The following ZNF831 variants were observed in gnomAD, a reference collection of about 807,000 sequenced individuals.
ZNF831 encodes zinc finger protein 831, also known as chromosome 20 open reading frame 174.
A neutral mutation model predicts 95.8 loss-of-function variants in ZNF831; 59 were observed. That is an observed-to-expected ratio of 0.62 (90% CI 0.50 to 0.77). The LOEUF (loss-of-function observed/expected upper bound fraction) is 0.77. ZNF831 is among the 30% of genes least tolerant of loss of function. The pLI, the probability that ZNF831 is intolerant of heterozygous loss-of-function variation, is 0.00. For missense variants in ZNF831, 2,205 were observed against 2,164.0 expected, an observed-to-expected ratio of 1.02 and a Z score of -0.38; for synonymous variants, 961 against 925.5, an observed-to-expected ratio of 1.04 and a Z score of -0.70.
intron 4 of ZNF831, among the ~76,000 whole-genome samples, chr20:59,214,366 T>G (rs1245188181): frequency 1.3e-5 from 2 of 152,072 alleles, no homozygotes; most frequent in African/African-American, 4.8e-5. Flanking sequence ...ACAGTCAGGG[T>G]GTAGGTTAAA....
rs1248380657 is a variant in ZNF831, at chr20:59,254,354, T to A, written c.4645T>A (p.Ser1549Thr). 1 of 1,613,942 alleles carries A rather than the reference T, an allele frequency of 6.2e-7. No homozygotes were observed. Among genetic ancestry groups the A allele is most frequent in the Non-Finnish European group, 8.5e-7 (1 of 1,180,016 alleles). Residue 1549 changes from serine (S) to threonine (T), a missense_variant, in exon 6 of 6, where the codon TCT becomes ACT. Transcript: ENST00000371030. This position sits in a 1 kb window ranked among gnomAD's most constrained non-coding sequence, Gnocchi z 4.5. ...AQTLLPGRPSSGQRISDSVPL... is the reference protein window; with the variant it reads ...AQTLLPGRPSTGQRISDSVPL... ...GACCCTCTTGCCAGGGAGACCTTCA[T>A]CTGGACAAAGAATTTCAGATTCGGT... is the stretch of plus-strand genomic sequence containing the variant.
chr20:59,160,051 G>C (rs910899305), upstream of ZNF831: 9 of 152,356 alleles, frequency 5.9e-5, no homozygotes, highest in Non-Finnish European at 1.0e-4. Flanking sequence ...AGGCAGAGAC[G>C]AACATTCCTA....
chr20:59,138,659 C>A (rs1270535897), intron 1 of ZNF831, among the ~76,000 whole-genome samples: 2 of 152,224 alleles, frequency 1.3e-5, no homozygotes, highest in Non-Finnish European at 2.9e-5. Context: ...CATTTCTGGG[C>A]AAAAGCTTTT....
In ZNF831 at chr20:59,193,266, C is replaced by A. The variant is rs767005659; in HGVS notation, c.2247C>A (p.Val749=). The A allele has an allele frequency of 6.2e-7, 1 of 1,608,630 alleles. No homozygotes were observed. The highest frequency in any genetic ancestry group is 1.7e-5 in the Admixed American group (1 of 59,350). Reference sequence around the variant, plus strand: ...GTTCAGGCAGTAGGAGCCCCCTGGTCTCTCCAAATGGGAGGCTGGAACTGG... The same window carrying A: ...GTTCAGGCAGTAGGAGCCCCCTGGTATCTCCAAATGGGAGGCTGGAACTGG... ...SPCSGSRSPL[V]SPNGRLELGW... Residue 749 remains valine, a synonymous_variant, in exon 2 of 6, where the codon GTC becomes GTA. Transcript: ENST00000371030.
rs1024063915 is a variant in ZNF831 at position 59,255,033 on chromosome 20, C to T, written c.*290C>T. The T allele has an allele frequency of 3.4e-6, 1 of 295,806 alleles. No individual in the cohort carries two copies. Among genetic ancestry groups the T allele is most frequent in the Non-Finnish European group, 6.3e-6 (1 of 157,754 alleles). The allele number at this position is 295,806 out of a possible 1,614,324, so 18.3% of individuals were successfully genotyped here. A position where few individuals can be genotyped will look rare whatever the true frequency, so the allele number is the denominator to read the frequency against. ...TGGTCAACGTGCACAGTGACTGGGCCTTGACTCCCAGCCTCGTCTTCTGCA... is the reference window on the plus strand; with the variant it reads ...TGGTCAACGTGCACAGTGACTGGGCTTTGACTCCCAGCCTCGTCTTCTGCA... On this transcript the variant is annotated 3_prime_UTR_variant, in exon 6 of 6. Coordinates refer to ENST00000371030, the MANE Select transcript of ZNF831 (RefSeq NM_178457.3).
chr20:59,207,442 C>T (rs951582025), intron 4 of ZNF831, among the ~76,000 whole-genome samples: 2 of 152,124 alleles, frequency 1.3e-5, no homozygotes, highest in African/African-American at 4.8e-5. Context: ...CATTGTAAAG[C>T]TAAAGTGGGT....
rs556575766 is a variant in ZNF831, at chr20:59,168,593, G to A, written c.-37+4386G>A. Among the ~76,000 whole-genome samples, 6 of 147,862 alleles carry A rather than the reference G, an allele frequency of 4.1e-5. No individual in the cohort carries two copies. In the South Asian group the frequency reaches 1.3e-3, roughly 32 times the overall value. ...TCCCTGTATTTTGTATTTCTTTCTT[G>A]CTTTATTTTACTGGCTAAAACTTTC... On this transcript the variant is annotated intron_variant, in intron 1 of 5. Coordinates refer to ENST00000371030, the MANE Select transcript of ZNF831 (RefSeq NM_178457.3).
intron 1 of ZNF831, among the ~76,000 whole-genome samples, chr20:59,142,834 C>G (rs117880688): frequency 1.7e-3 from 258 of 152,294 alleles, no homozygotes; most frequent in Non-Finnish European, 2.6e-3. Context: ...TTTCATTATT[C>G]TTTGATTTTT....
At chr20:59,248,854 G>A (rs149623003) in intron 4 of ZNF831, among the ~76,000 whole-genome samples, 2 of 152,196 alleles carry the variant, frequency 1.3e-5, no homozygotes, top group East Asian at 3.9e-4. Flanking sequence ...CCCTAGTCAA[G>A]CCATCTCATC....
chr20:59,137,826 C>CA (rs1757042173), intron 1 of ZNF831, among the ~76,000 whole-genome samples: 1 of 152,214 alleles, frequency 6.6e-6, no homozygotes, highest in Non-Finnish European at 1.5e-5. Context: ...CCCTGTGTCA[C>CA]ATCCTAAGCC....
Position 59,254,472 on chromosome 20 carries a change from C to T in ZNF831, c.4763C>T (p.Thr1588Met), listed in dbSNP as rs116281545. The change falls in exon 6 of 6, where the codon ACG (threonine) becomes ATG (methionine). Residue 1588 changes from threonine to methionine, a missense_variant. By Grantham distance (81) the Thr-to-Met change is moderately conservative. Coordinates refer to ENST00000371030, the MANE Select transcript of ZNF831 (RefSeq NM_178457.3). This position sits in a 1 kb window ranked among gnomAD's most constrained non-coding sequence, Gnocchi z 4.5. ...CACCACAAGGAAGGGAGACACAAGACGTTTTTTCCTTCCAGAGGCCAGTAT... is the reference window on the plus strand; with the variant it reads ...CACCACAAGGAAGGGAGACACAAGATGTTTTTTCCTTCCAGAGGCCAGTAT... ...SSHHKEGRHKTFFPSRGQYGC... is the reference protein window; with the variant it reads ...SSHHKEGRHKMFFPSRGQYGC... The T allele has an allele frequency of 2.8e-3, 4,461 of 1,614,144 alleles. 96 individuals are homozygous for T. In the African/African-American group the frequency reaches 0.048, roughly 17 times the overall value.
rs573141022 is a variant in ZNF831, at chr20:59,218,576, T to C, written c.4027+11520T>C. On this transcript the variant is annotated intron_variant, in intron 4 of 5. Transcript: ENST00000371030. The stretch of plus-strand genomic sequence containing the variant: ...GCTCTGGTCCTGCCCAGCTGTTCCA[T>C]GCTTGTGTTAGCGTGACTGTTTTTT... Among the ~76,000 whole-genome samples the C allele has an allele frequency of 4.7e-4, 71 of 151,870 alleles. 1 individual carries two copies. The highest frequency in any genetic ancestry group is 1.6e-3 in the African/African-American group (67 of 41,308).
At chr20:59,248,584 C>T (rs1324594290) in intron 4 of ZNF831, among the ~76,000 whole-genome samples, 1 of 152,150 alleles carries the variant, frequency 6.6e-6, no homozygotes, top group Non-Finnish European at 1.5e-5. Context: ...ACCAAAACAA[C>T]CTGTTGGGAA....
intron 3 of ZNF831, among the ~76,000 whole-genome samples, chr20:59,198,567 G>A (rs1984289729): frequency 6.6e-6 from 1 of 152,188 alleles, no homozygotes; most frequent in Non-Finnish European, 1.5e-5. Flanking sequence ...AGCTGGCCTT[G>A]TGGAACTAGA....
intron 4 of ZNF831, among the ~76,000 whole-genome samples, chr20:59,239,332 A>AAAACCAT (rs1473619295): frequency 1.3e-5 from 2 of 152,176 alleles, no homozygotes; most frequent in African/African-American, 2.4e-5. Flanking sequence ...ACTTGATTTC[A>AAAACCAT]AAACCATTAT....
At chr20:59,201,316 A>C (rs1160899305) in intron 3 of ZNF831, among the ~76,000 whole-genome samples, 1 of 152,178 alleles carries the variant, frequency 6.6e-6, no homozygotes, top group Non-Finnish European at 1.5e-5. Context: ...TCTTTTGCGC[A>C]TCAAAAATGG....
chr20:59,207,294 G>A (rs1380625174), intron 4 of ZNF831, among the ~76,000 whole-genome samples: 2 of 152,232 alleles, frequency 1.3e-5, no homozygotes, highest in South Asian at 2.1e-4. Context: ...CAATATCCTT[G>A]AGTACTGGCC....
intron 1 of ZNF831, among the ~76,000 whole-genome samples, chr20:59,125,311 T>C (rs776265150): frequency 6.6e-6 from 1 of 152,242 alleles, no homozygotes; most frequent in Non-Finnish European, 1.5e-5. Flanking sequence ...ACAAAGTCCT[T>C]ATTGTTTCAA....
rs2146587818 is a variant in ZNF831 at position 59,193,697 on chromosome 20, C to T, written c.2678C>T (p.Ala893Val). The change falls in exon 2 of 6, where the codon GCC (alanine) becomes GTC (valine). Residue 893 changes from alanine to valine, a missense_variant. Physicochemically the swap from Ala to Val is moderately conservative, Grantham distance 64. Coordinates refer to ENST00000371030, the MANE Select transcript of ZNF831 (RefSeq NM_178457.3). Reference protein sequence around the residue: ...SGASLAAASVALKRVGPRDKA... With the variant: ...SGASLAAASVVLKRVGPRDKA... Reference sequence around the variant, plus strand: ...GCCTCCTTGGCTGCTGCTTCTGTTGCCCTGAAGAGGGTGGGGCCAAGGGAC... The same window carrying T: ...GCCTCCTTGGCTGCTGCTTCTGTTGTCCTGAAGAGGGTGGGGCCAAGGGAC... The T allele has an allele frequency of 6.2e-7, 1 of 1,612,900 alleles. No homozygotes were observed. The highest frequency in any genetic ancestry group is 8.5e-7 in the Non-Finnish European group (1 of 1,179,652).
Sources: allele counts gnomAD v4.1 joint callset (sites outside exome capture counted in the v4.1 genomes callset), GRCh38; gene constraint gnomAD v4.1.1; non-coding constraint Gnocchi (gnomAD v3.1); transcripts MANE v1.5; gene names NCBI Gene and HGNC (gene_info 2026-07-23, HGNC 2026-07-21).